The following PRKN variants were observed in gnomAD, a reference collection of about 807,000 sequenced individuals.
PRKN encodes the protein parkin RBR E3 ubiquitin protein ligase.
PRKN carries 56 observed loss-of-function variants against 59.5 expected under a neutral mutation model. That is an observed-to-expected ratio of 0.94 (90% CI 0.76 to 1.18). The LOEUF is 1.18. Ranked by LOEUF, PRKN falls within the 50% of genes most tolerant of loss-of-function variation. The probability of loss-of-function intolerance (pLI) is 0.00; values close to 1 mark genes in which losing one functional copy is unlikely to be tolerated. For missense variants in PRKN, 657 were observed against 596.4 expected (o/e 1.10, Z -1.06); for synonymous variants, 250 against 222.1 (o/e 1.13, Z -1.12).
chr6:161,799,338 G>T (rs1790984579), intron 6 of PRKN, among the ~76,000 whole-genome samples: 1 of 152,200 alleles, frequency 6.6e-6, no homozygotes, highest in African/African-American at 2.4e-5. Context: ...CAAGGAACAG[G>T]GACAAAAGCG....
intron 6 of PRKN, among the ~76,000 whole-genome samples, chr6:161,787,782 C>T (rs1313397225): frequency 2.6e-5 from 4 of 151,666 alleles, no homozygotes; most frequent in Admixed American, 6.6e-5. Context: ...CCGTCTCTAC[C>T]AAAAATACAA....
At chr6:162,310,817 C>T (rs2128117838) in intron 2 of PRKN, among the ~76,000 whole-genome samples, 1 of 140,676 alleles carries the variant, frequency 7.1e-6, no homozygotes, top group East Asian at 1.9e-4. Context: ...GTTTTATGTA[C>T]AATTTTTAAA....
intron 9 of PRKN, among the ~76,000 whole-genome samples, chr6:161,522,051 C>T (rs1583185186): frequency 6.6e-6 from 1 of 151,914 alleles, no homozygotes. Flanking sequence ...ATGTGGACGG[C>T]GAATATTGAT....
intron 2 of PRKN, among the ~76,000 whole-genome samples, chr6:162,339,781 T>G (rs1784078354): frequency 1.3e-5 from 2 of 150,492 alleles, no homozygotes; most frequent in African/African-American, 2.4e-5. Context: ...CTTTTCATTT[T>G]GTTCTGCACT....
At chr6:161,751,888 G>A (rs1211747257) in intron 7 of PRKN, among the ~76,000 whole-genome samples, 1 of 152,236 alleles carries the variant, frequency 6.6e-6, no homozygotes, top group Non-Finnish European at 1.5e-5. Context: ...AGGTGAAGGA[G>A]AAGGGGCAGT....
In PRKN at chr6:161,559,152, G is replaced by C. The variant is rs16892799; in HGVS notation, c.934-10149C>G. Reference sequence around the variant, plus strand: ...GGTTTTTTTTTTTCCAGATATTTCAGGTGACCCAATGCCAAAAAGCATCTC... The same window carrying C: ...GGTTTTTTTTTTTCCAGATATTTCACGTGACCCAATGCCAAAAAGCATCTC... On this transcript the variant is annotated intron_variant, in intron 8 of 11. Transcript: ENST00000366898. Among the ~76,000 whole-genome samples, 1,268 of 150,056 alleles carry C rather than the reference G, an allele frequency of 8.5e-3. 17 individuals carry two copies. The highest frequency in any genetic ancestry group is 0.029 in the African/African-American group (1,196 of 40,990).
intron 1 of PRKN, among the ~76,000 whole-genome samples, chr6:162,566,139 C>T (rs988290712): frequency 1.3e-5 from 2 of 152,006 alleles, no homozygotes; most frequent in African/African-American, 4.8e-5. Flanking sequence ...ACAATAATAA[C>T]TAGAGACTTC....
At chr6:161,528,162 T>C (rs1454286846) in intron 9 of PRKN, among the ~76,000 whole-genome samples, 1 of 152,254 alleles carries the variant, frequency 6.6e-6, no homozygotes, top group African/African-American at 2.4e-5. Context: ...TTTGTGACTT[T>C]ACTTAGCCAT....
intron 9 of PRKN, among the ~76,000 whole-genome samples, chr6:161,398,724 G>C (rs1583018900): frequency 1.3e-5 from 2 of 152,182 alleles, no homozygotes; most frequent in Admixed American, 6.5e-5. Flanking sequence ...GTAAGGCACT[G>C]GCCATTCTTC....
At chr6:162,436,219 CA>C (rs961790452) in intron 2 of PRKN, among the ~76,000 whole-genome samples, 1 of 140,516 alleles carries the variant, frequency 7.1e-6, no homozygotes, top group East Asian at 2.0e-4. Flanking sequence ...AATAAATTAC[CA>C]AAAAAAACCA....
rs1217162098 is a variant in PRKN, at chr6:161,405,321, T to TA, written c.1084-18445dup. On this transcript the variant is annotated intron_variant, in intron 9 of 11. Coordinates refer to ENST00000366898, the MANE Select transcript of PRKN (RefSeq NM_004562.3). The surrounding 1 kb of genome is among the most constrained non-coding windows in gnomAD (Gnocchi z 5.1). ...GACTGGGCATGGTGGCTCATGCCTGTAATCTCAGCACTTTGGGAGGCTGAG... is the reference window on the plus strand; with the variant it reads ...GACTGGGCATGGTGGCTCATGCCTGTAAATCTCAGCACTTTGGGAGGCTGAG... 6.6e-6 allele frequency among the ~76,000 whole-genome samples: 1 copy of TA among 152,160 alleles called. No individual in the cohort carries two copies. The highest frequency in any genetic ancestry group is 1.5e-5 in the Non-Finnish European group (1 of 68,026).
chr6:162,100,473 T>C (rs1004242651), intron 4 of PRKN, among the ~76,000 whole-genome samples: 1 of 151,300 alleles, frequency 6.6e-6, no homozygotes, highest in Non-Finnish European at 1.5e-5. Context: ...TTTTTTAAGA[T>C]AGATGTCGCT....
rs1787479613 is a variant in PRKN, at chr6:161,410,454, A to G, written c.1084-23577T>C. Among the ~76,000 whole-genome samples the G allele has an allele frequency of 6.6e-6, 1 of 152,142 alleles. No homozygotes were observed. Among genetic ancestry groups the G allele is most frequent in the Admixed American group, 6.5e-5 (1 of 15,272 alleles). ...TTTTAAGTAAGGATGAGGGCTTCCCAACCAACTGTAAGGGGGCTGCTGGTT... is the reference window on the plus strand; with the variant it reads ...TTTTAAGTAAGGATGAGGGCTTCCCGACCAACTGTAAGGGGGCTGCTGGTT... On this transcript the variant is annotated intron_variant, in intron 9 of 11. Coordinates refer to ENST00000366898, the MANE Select transcript of PRKN (RefSeq NM_004562.3). The surrounding 1 kb of genome is among the most constrained non-coding windows in gnomAD (Gnocchi z 5.3).
chr6:162,047,438 G>A (rs1443842906), intron 5 of PRKN, among the ~76,000 whole-genome samples: 1 of 152,098 alleles, frequency 6.6e-6, no homozygotes, highest in Non-Finnish European at 1.5e-5. Flanking sequence ...CTCTCATGCT[G>A]TGCAAATGAA....
chr6:162,259,774 G>A (rs1385961988), intron 3 of PRKN, among the ~76,000 whole-genome samples: 2 of 152,204 alleles, frequency 1.3e-5, no homozygotes, highest in Non-Finnish European at 2.9e-5. Context: ...AAGCAATTTA[G>A]TAAACATGTA....
At chr6:162,541,406 GCCA>G (rs1562369045) in intron 1 of PRKN, among the ~76,000 whole-genome samples, 1 of 152,182 alleles carries the variant, frequency 6.6e-6, no homozygotes, top group Non-Finnish European at 1.5e-5. Flanking sequence ...AGGGCCAGGG[GCCA>G]GCAAAGAGGC....
chr6:162,182,684 T>C (rs1451885076), intron 4 of PRKN, among the ~76,000 whole-genome samples: 1 of 152,240 alleles, frequency 6.6e-6, no homozygotes, highest in Non-Finnish European at 1.5e-5. Flanking sequence ...AAAACATGTG[T>C]GGGCATACCT....
intron 6 of PRKN, among the ~76,000 whole-genome samples, chr6:161,814,246 C>G (rs1791674414): frequency 6.6e-6 from 1 of 152,174 alleles, no homozygotes; most frequent in African/African-American, 2.4e-5. Context: ...AAATATTCTT[C>G]ATAGTGACAA....
chr6:161,370,032 T>C, intron 10 of PRKN: 2 of 436,994 alleles, frequency 4.6e-6, no homozygotes, highest in Non-Finnish European at 9.4e-6. Flanking sequence ...TACTTTGTTA[T>C]TGTAATCATC....
Sources: gnomAD v4.1 joint callset for allele counts (sites outside exome capture counted in the v4.1 genomes callset) on GRCh38, gnomAD v4.1.1 for gene constraint, Gnocchi (gnomAD v3.1) non-coding constraint, MANE v1.5 for transcripts, NCBI Gene and HGNC (gene_info 2026-07-23, HGNC 2026-07-21) for gene names.